The following NOVA1 variants were observed in gnomAD, a reference collection of about 807,000 sequenced individuals.
The protein encoded by NOVA1 is NOVA alternative splicing regulator 1, also known as RNA-binding protein Nova-1.
A neutral mutation model predicts 38.0 loss-of-function variants in NOVA1; 7 were observed. The observed-to-expected ratio is 0.18, with a 90% CI of 0.10 to 0.35. The LOEUF is 0.35. Ranked by LOEUF, NOVA1 falls within the 10% of genes least tolerant of loss-of-function variation. NOVA1 has a pLI of 1.00. For missense variants in NOVA1, 460 were observed against 616.0 expected (o/e 0.75, Z 2.68); for synonymous variants, 270 against 232.5 (o/e 1.16, Z -1.47).
chr14:26,545,955 T>A (rs181956054), intron 2 of NOVA1, among the ~76,000 whole-genome samples: 1 of 151,766 alleles, frequency 6.6e-6, no homozygotes, highest in East Asian at 1.9e-4. Context: ...AGTAGTCTTT[T>A]ACGCAAACTT....
chr14:26,470,819 G>A (rs1376931646), intron 4 of NOVA1, among the ~76,000 whole-genome samples: 1 of 151,958 alleles, frequency 6.6e-6, no homozygotes, highest in Non-Finnish European at 1.5e-5. Context: ...AAAATCATTC[G>A]TTTTATTTGT....
intron 2 of NOVA1, among the ~76,000 whole-genome samples, chr14:26,540,930 T>C (rs1890428230): frequency 6.6e-6 from 1 of 152,170 alleles, no homozygotes; most frequent in African/African-American, 2.4e-5. Context: ...TAAAAACTTA[T>C]CACTTCTTGT....
intron 2 of NOVA1, among the ~76,000 whole-genome samples, chr14:26,504,941 G>C (rs1229400853): frequency 6.6e-6 from 1 of 152,096 alleles, no homozygotes; most frequent in Non-Finnish European, 1.5e-5. Context: ...TCCTTAACTT[G>C]TGCTAAGTAA....
chr14:26,463,503 G>A (rs1278969180), intron 4 of NOVA1, among the ~76,000 whole-genome samples: 2 of 152,174 alleles, frequency 1.3e-5, no homozygotes, highest in South Asian at 2.1e-4. Flanking sequence ...TCCCTCCTCT[G>A]TAAATTGTCT....
chr14:26,598,013 C>T lies in NOVA1; in HGVS notation c.-577G>A, dbSNP rs944317947. 6.0e-5 allele frequency among the ~76,000 whole-genome samples: 9 copies of T among 150,886 alleles called. No individual in the cohort carries two copies. Among genetic ancestry groups the T allele is most frequent in the Admixed American group, 2.0e-4 (3 of 15,172 alleles). On this transcript the variant is annotated 5_prime_UTR_variant, in exon 1 of 5. Transcript: ENST00000539517. ...CTCCCGCTGCTGGTGCTGCCGCCGC[C>T]GCCGCTGCCGGAGCGGTTCTGCCGT...
chr14:26,513,359 G>A (rs180897670), intron 2 of NOVA1, among the ~76,000 whole-genome samples: 3 of 151,952 alleles, frequency 2.0e-5, no homozygotes, highest in East Asian at 3.9e-4. Flanking sequence ...AAAAAGATAT[G>A]TCTGAAATGC....
chr14:26,547,420 A>G (rs1594511453), intron 2 of NOVA1, among the ~76,000 whole-genome samples: 1 of 152,306 alleles, frequency 6.6e-6, no homozygotes, highest in East Asian at 1.9e-4. Flanking sequence ...ACAGAAATAT[A>G]TTCAATAAAA....
At chr14:26,504,988 G>C (rs374275219) in intron 2 of NOVA1, among the ~76,000 whole-genome samples, 7 of 136,618 alleles carry the variant, frequency 5.1e-5, no homozygotes, top group African/African-American at 1.9e-4. Flanking sequence ...GGTGGTGGCA[G>C]TGACGGCAGA....
At chr14:26,482,708 A>AT (rs1019266532) in intron 2 of NOVA1, among the ~76,000 whole-genome samples, 3 of 152,048 alleles carry the variant, frequency 2.0e-5, no homozygotes, top group Non-Finnish European at 4.4e-5. Context: ...TAATTAATTA[A>AT]TTTTTTTGAG....
At chr14:26,460,976 A>T (rs1301374112) in intron 4 of NOVA1, among the ~76,000 whole-genome samples, 1 of 152,204 alleles carries the variant, frequency 6.6e-6, no homozygotes, top group Admixed American at 6.6e-5. Flanking sequence ...CACATTGTGG[A>T]ATAAGGAGAC....
intron 2 of NOVA1, among the ~76,000 whole-genome samples, chr14:26,591,978 TAGAC>T (rs10564737): frequency 0.28 from 42,828 of 151,078 alleles, 7,732 homozygotes; most frequent in African/African-American, 0.51. Context: ...CAGTGTAAAA[TAGAC>T]AGATTCCAAC....
intron 3 of NOVA1, among the ~76,000 whole-genome samples, chr14:26,473,622 A>T (rs991015408): frequency 1.3e-4 from 19 of 151,008 alleles, no homozygotes; most frequent in African/African-American, 7.3e-5. Flanking sequence ...AGTTAAAAAT[A>T]AAAAAAAAGA....
At chr14:26,465,430 C>CA (rs1451974545) in intron 4 of NOVA1, among the ~76,000 whole-genome samples, 1 of 152,168 alleles carries the variant, frequency 6.6e-6, no homozygotes, top group East Asian at 1.9e-4. Flanking sequence ...CTCGGCCTCC[C>CA]AAAGTGCTGG....
intron 3 of NOVA1, chr14:26,479,013 A>G (rs1023424842): frequency 2.0e-5 from 3 of 151,874 alleles, no homozygotes; most frequent in Non-Finnish European, 2.9e-5. Context: ...AACACTGTTC[A>G]GTATAATACT....
At chr14:26,481,158 A>C (rs1469620136) in intron 2 of NOVA1, among the ~76,000 whole-genome samples, 1 of 152,142 alleles carries the variant, frequency 6.6e-6, no homozygotes, top group Non-Finnish European at 1.5e-5. Flanking sequence ...CTTGCTTCTA[A>C]GAAATAAGTA....
At chr14:26,597,120 G>GGC (rs1379826733) in intron 1 of NOVA1, 181 bp downstream of exon 1, 14 of 1,230,766 alleles carry the variant, frequency 1.1e-5, no homozygotes, top group East Asian at 9.5e-5. Context: ...GGGACACCTA[G>GGC]GCGCGGGGCA....
intron 4 of NOVA1, among the ~76,000 whole-genome samples, chr14:26,462,647 T>C (rs538093489): frequency 6.6e-6 from 1 of 152,310 alleles, no homozygotes; most frequent in African/African-American, 2.4e-5. Flanking sequence ...AACTTTAAAA[T>C]ATGAAGCAAT....
At position 26,495,329 on chromosome 14, in the gene NOVA1, G is replaced by T. The variant is rs149669279; in HGVS notation, c.281-15186C>A. Among the ~76,000 whole-genome samples, 379 of 152,126 alleles carry T rather than the reference G, an allele frequency of 2.5e-3. 1 individual carries two copies. Among genetic ancestry groups the T allele is most frequent in the African/African-American group, 8.8e-3 (366 of 41,514 alleles). On this transcript the variant is annotated intron_variant, in intron 2 of 4. Transcript: ENST00000539517. The stretch of plus-strand genomic sequence containing the variant: ...TTTGTTGTAATTTGCTTACTTCATT[G>T]TTTGCCTCTCTCTGGTGGAACAAAA...
At chr14:26,539,689 GAC>G (rs1306515359) in intron 2 of NOVA1, among the ~76,000 whole-genome samples, 1 of 152,076 alleles carries the variant, frequency 6.6e-6, no homozygotes, top group Non-Finnish European at 1.5e-5. Flanking sequence ...ATTTTTAAGA[GAC>G]TGCATTTAAA....
Sources: allele counts gnomAD v4.1 joint callset (sites outside exome capture counted in the v4.1 genomes callset), GRCh38; gene constraint gnomAD v4.1.1; transcripts MANE v1.5; gene names NCBI Gene and HGNC (gene_info 2026-07-23, HGNC 2026-07-21).